The following CNBD1 variants were observed in gnomAD, a reference collection of about 807,000 sequenced individuals.
CNBD1 encodes cyclic nucleotide binding domain containing 1.
Under a neutral mutation model 54.4 loss-of-function variants are expected in CNBD1, and 71 were observed. The observed-to-expected ratio is 1.30, with a 90% CI of 1.08 to 1.59. The LOEUF is 1.59. CNBD1 is among the 40% of genes most tolerant of loss of function. CNBD1 has a pLI of 0.00. For synonymous variants in CNBD1, 182 were observed against 170.7 expected (o/e 1.07, Z -0.51); for missense variants, 659 against 518.0 (o/e 1.27, Z -2.64).
intron 6 of CNBD1, among the ~76,000 whole-genome samples, chr8:87,243,273 C>T (rs934581678): frequency 1.3e-5 from 2 of 152,200 alleles, no homozygotes; most frequent in East Asian, 3.8e-4. Context: ...AGTTGAATAG[C>T]AATTTCATCT....
intron 4 of CNBD1, among the ~76,000 whole-genome samples, chr8:86,961,935 A>G (rs1481282521): frequency 6.6e-6 from 1 of 151,384 alleles, no homozygotes; most frequent in African/African-American, 2.5e-5. Context: ...TCATGTGCCA[A>G]TCTCCTATTT....
intron 8 of CNBD1, among the ~76,000 whole-genome samples, chr8:87,340,706 G>A (rs1451651871): frequency 2.0e-5 from 3 of 151,924 alleles, no homozygotes; most frequent in Non-Finnish European, 4.4e-5. Context: ...AAAGTCTGCT[G>A]TTAATCCCCT....
chr8:87,190,331 C>G (rs1343852688), intron 4 of CNBD1, among the ~76,000 whole-genome samples: 1 of 152,084 alleles, frequency 6.6e-6, no homozygotes, highest in Non-Finnish European at 1.5e-5. Flanking sequence ...TATATCCAAA[C>G]GTAGGAGACT....
At chr8:86,985,019 G>T (rs756650670) in intron 4 of CNBD1, among the ~76,000 whole-genome samples, 4 of 152,120 alleles carry the variant, frequency 2.6e-5, no homozygotes, top group Non-Finnish European at 4.4e-5. Flanking sequence ...ATTCCCACAT[G>T]TTGTGGGAGG....
chr8:86,942,374 CT>C (rs1219581112), intron 4 of CNBD1, among the ~76,000 whole-genome samples: 1 of 152,196 alleles, frequency 6.6e-6, no homozygotes, highest in African/African-American at 2.4e-5. Context: ...TGGTCCTCTG[CT>C]CAGTGTCTCA....
At chr8:87,287,856 A>C (rs1194073609) in intron 8 of CNBD1, among the ~76,000 whole-genome samples, 1 of 151,916 alleles carries the variant, frequency 6.6e-6, no homozygotes, top group Non-Finnish European at 1.5e-5. Flanking sequence ...TTTATATTTT[A>C]TTTATCATGT....
Position 87,286,608 on chromosome 8 carries a change from C to A in CNBD1, c.979C>A (p.Pro327Thr). 1 of 1,513,170 alleles carries A rather than the reference C, an allele frequency of 6.6e-7. No individual in the cohort carries two copies. The highest frequency in any genetic ancestry group is 9.0e-7 in the Non-Finnish European group (1 of 1,111,490). The allele number at this position is 1,513,170 out of a possible 1,614,324, so 93.7% of individuals were successfully genotyped here. ...TATGTGTCCTTATTATGAGGAATGG[C>A]CTACTTTATCCATATATGAGCTAAT... is the stretch of plus-strand genomic sequence containing the variant. ...IRMCPYYEEWPTLSIYELIAL... is the reference protein window; with the variant it reads ...IRMCPYYEEWTTLSIYELIAL... The change falls in exon 8 of 11, where the codon CCT becomes ACT. Residue 327 changes from proline (P) to threonine (T), a missense_variant. Coordinates refer to ENST00000518476, the MANE Select transcript of CNBD1 (RefSeq NM_173538.3).
At chr8:87,105,590 T>G (rs1000560607) in intron 4 of CNBD1, among the ~76,000 whole-genome samples, 1 of 152,192 alleles carries the variant, frequency 6.6e-6, no homozygotes, top group Non-Finnish European at 1.5e-5. Flanking sequence ...CTCTGTCACC[T>G]GGAAAAGACG....
chr8:87,339,869 T>C (rs998088048), intron 8 of CNBD1, among the ~76,000 whole-genome samples: 1 of 152,172 alleles, frequency 6.6e-6, no homozygotes, highest in Non-Finnish European at 1.5e-5. Context: ...ATAATTATAA[T>C]TTTTATTCAT....
intron 4 of CNBD1, among the ~76,000 whole-genome samples, chr8:87,066,271 G>C (rs1810652219): frequency 6.6e-6 from 1 of 151,878 alleles, no homozygotes; most frequent in Admixed American, 6.6e-5. Context: ...AGATGAACTG[G>C]AATCAGAAGG....
chr8:86,958,908 T>C lies in CNBD1; in HGVS notation c.431+19154T>C, dbSNP rs190656500. Among the ~76,000 whole-genome samples, 1,051 of 152,332 alleles carry C rather than the reference T, an allele frequency of 6.9e-3. 11 individuals are homozygous for C. Among genetic ancestry groups the C allele is most frequent in the Middle Eastern group, 0.041 (12 of 294 alleles). On this transcript the variant is annotated intron_variant, in intron 4 of 10. Transcript: ENST00000518476. Reference sequence around the variant, plus strand: ...GGTTACTTTACTCATTAGTTGGTTATTTTACTCATTAGTTGATGCAGTTTG... The same window carrying C: ...GGTTACTTTACTCATTAGTTGGTTACTTTACTCATTAGTTGATGCAGTTTG...
chr8:87,276,743 A>G (rs1408605630), intron 6 of CNBD1, among the ~76,000 whole-genome samples: 1 of 151,874 alleles, frequency 6.6e-6, no homozygotes, highest in Non-Finnish European at 1.5e-5. Context: ...AATTCAAGAA[A>G]GAAGGGAAAT....
Position 87,264,731 on chromosome 8 carries a change from T to G in CNBD1, c.772-19947T>G, listed in dbSNP as rs922427588. ...TGATATCTCATTGTGGTTTTGATTT[T>G]CATTCCTCTGATGACTAGTGATGAT... On this transcript the variant is annotated intron_variant, in intron 6 of 10. Transcript: ENST00000518476. 5.3e-4 allele frequency among the ~76,000 whole-genome samples: 80 copies of G among 152,132 alleles called. 2 individuals are homozygous for G. The highest frequency in any genetic ancestry group is 4.8e-3 in the Admixed American group (73 of 15,254).
intron 4 of CNBD1, among the ~76,000 whole-genome samples, chr8:87,190,888 T>TACATGTACCC (rs1813593282): frequency 7.2e-6 from 1 of 139,328 alleles, no homozygotes; most frequent in Non-Finnish European, 1.5e-5. Flanking sequence ...TACATGTACG[T>TACATGTACCC]ATATCTATTT....
chr8:87,357,295 G>A (rs967139981), intron 10 of CNBD1, among the ~76,000 whole-genome samples: 6 of 151,058 alleles, frequency 4.0e-5, no homozygotes, highest in African/African-American at 1.5e-4. Flanking sequence ...CCTGAGAATG[G>A]TAGAGCCATG....
At chr8:87,275,471 T>C (rs1808457676) in intron 6 of CNBD1, among the ~76,000 whole-genome samples, 2 of 152,062 alleles carry the variant, frequency 1.3e-5, no homozygotes, top group African/African-American at 2.4e-5. Flanking sequence ...TTTGTAGTTC[T>C]CCTTGAGGAG....
chr8:87,324,443 T>C lies in CNBD1; in HGVS notation c.1043-27242T>C, dbSNP rs908096779. ...GAATCCATCTGGTCCTGGGCTCTTTTTGGTTGGTAAACTATTGATTATTGC... is the reference window on the plus strand; with the variant it reads ...GAATCCATCTGGTCCTGGGCTCTTTCTGGTTGGTAAACTATTGATTATTGC... On this transcript the variant is annotated intron_variant, in intron 8 of 10. Coordinates refer to ENST00000518476, the MANE Select transcript of CNBD1 (RefSeq NM_173538.3). Among the ~76,000 whole-genome samples the C allele has an allele frequency of 2.7e-5, 4 of 145,972 alleles. 1 individual carries two copies. Among genetic ancestry groups the C allele is most frequent in the Non-Finnish European group, 6.1e-5 (4 of 65,850 alleles).
At chr8:87,368,428 G>C (rs193175993) in intron 10 of CNBD1, among the ~76,000 whole-genome samples, 179 of 152,066 alleles carry the variant, frequency 1.2e-3, no homozygotes, top group Non-Finnish European at 9.0e-4. Flanking sequence ...TTGAGGCCAG[G>C]AGATGGAGAC....
intron 2 of CNBD1, among the ~76,000 whole-genome samples, chr8:87,418,076 C>A (rs1268451024): frequency 6.6e-6 from 1 of 151,840 alleles, no homozygotes; most frequent in African/African-American, 2.4e-5. Flanking sequence ...TATGAAAATA[C>A]TAAGGACCCA....
Sources: allele counts gnomAD v4.1 joint callset (sites outside exome capture counted in the v4.1 genomes callset), GRCh38; gene constraint gnomAD v4.1.1; transcripts MANE v1.5; gene names NCBI Gene and HGNC (gene_info 2026-07-23, HGNC 2026-07-21).